Variants in SDK1 observed in about 807,000 individuals in gnomAD.
SDK1 encodes protein sidekick-1.
In SDK1, 157 loss-of-function variants were observed where a neutral mutation model predicts 245.5. The observed-to-expected ratio is 0.64, with a 90% CI of 0.56 to 0.73. SDK1 has a LOEUF of 0.73. SDK1 is among the 30% of genes least tolerant of loss of function. The pLI is 0.00. For missense variants in SDK1, 3,583 were observed against 3,002.3 expected (o/e 1.19, Z -4.52); for synonymous variants, 1,647 against 1,278.5 (o/e 1.29, Z -6.15).
rs529694333 is a variant in SDK1, at chr7:3,965,183, T to C, written c.1430-2135T>C. Among the ~76,000 whole-genome samples the C allele has an allele frequency of 1.5e-3, 229 of 152,270 alleles. 1 individual carries two copies. Among genetic ancestry groups the C allele is most frequent in the African/African-American group, 5.4e-3 (224 of 41,552 alleles). On this transcript the variant is annotated intron_variant, in intron 9 of 44. Coordinates refer to ENST00000404826, the MANE Select transcript of SDK1 (RefSeq NM_152744.4). ...GCGAGTGGCTGTGTTCCAATAAAAC[T>C]TTATTTACAAACACAGGGTGCAGGC...
intron 1 of SDK1, among the ~76,000 whole-genome samples, chr7:3,396,760 C>CGGA (rs1347195301): frequency 6.6e-6 from 1 of 151,604 alleles, no homozygotes; most frequent in African/African-American, 2.4e-5. Flanking sequence ...GAATCTCTTC[C>CGGA]AGACAGCATA....
At chr7:3,484,129 C>T (rs1219892148) in intron 1 of SDK1, among the ~76,000 whole-genome samples, 2 of 152,034 alleles carry the variant, frequency 1.3e-5, no homozygotes, top group East Asian at 1.9e-4. Flanking sequence ...GGGTTGATTC[C>T]AGGGTCCCCT....
At chr7:3,952,514 C>T (rs548699236) in intron 7 of SDK1, among the ~76,000 whole-genome samples, 2 of 152,156 alleles carry the variant, frequency 1.3e-5, no homozygotes, top group East Asian at 3.9e-4. Flanking sequence ...ACCCAGGAGG[C>T]AGAGGTTGCA....
At chr7:4,188,319 A>G (rs748698967) in intron 35 of SDK1, among the ~76,000 whole-genome samples, 6 of 152,186 alleles carry the variant, frequency 3.9e-5, no homozygotes, top group Non-Finnish European at 5.9e-5. Context: ...TAATATGGGC[A>G]TTTACAAGAA....
chr7:3,769,165 C>A (rs1780336810), intron 4 of SDK1, among the ~76,000 whole-genome samples: 1 of 152,180 alleles, frequency 6.6e-6, no homozygotes, highest in African/African-American at 2.4e-5. Flanking sequence ...TACCTAGTTT[C>A]CCACAATGGT....
Position 3,615,365 on chromosome 7 carries a change from C to G in SDK1, c.299-3715C>G, listed in dbSNP as rs139288197. On this transcript the variant is annotated intron_variant, in intron 1 of 44. Transcript: ENST00000404826. ...AGGAAAAAGGAAATTGGACACATGG[C>G]TACATTCAAATTTAAGAATGCAGTT... Among the ~76,000 whole-genome samples the G allele has an allele frequency of 2.6e-5, 4 of 151,708 alleles. 1 individual carries two copies. The highest frequency in any genetic ancestry group is 5.9e-5 in the Non-Finnish European group (4 of 67,810).
Position 3,588,505 on chromosome 7 carries a change from G to C in SDK1, c.299-30575G>C, listed in dbSNP as rs564396349. ...GTTTAGTTTTTCTTCTGTGAGGTGT[G>C]AGAGGATGTTGAATGTGCTGGACAG... On this transcript the variant is annotated intron_variant, in intron 1 of 44. Transcript: ENST00000404826. Among the ~76,000 whole-genome samples the C allele has an allele frequency of 8.5e-5, 13 of 152,282 alleles. No homozygotes were observed. The South Asian group carries it at 2.7e-3, about 32-fold the overall frequency.
intron 38 of SDK1, among the ~76,000 whole-genome samples, chr7:4,216,036 C>T (rs946980042): frequency 6.6e-6 from 1 of 152,196 alleles, no homozygotes; most frequent in Non-Finnish European, 1.5e-5. Context: ...TCTGCAGATA[C>T]CACAACCGGC....
At chr7:3,377,322 A>G (rs906014835) in intron 1 of SDK1, among the ~76,000 whole-genome samples, 2 of 152,088 alleles carry the variant, frequency 1.3e-5, no homozygotes, top group Non-Finnish European at 2.9e-5. Context: ...ACGATAAAGG[A>G]CTAGGTTAAT....
chr7:4,175,914 G>A, intron 34 of SDK1, 80 bp downstream of exon 34: 1 of 1,259,368 alleles, frequency 7.9e-7, no homozygotes, highest in Non-Finnish European at 1.2e-6. Flanking sequence ...TCAGTGCAAG[G>A]GAAAACCAGC....
chr7:4,181,323 A>G (rs1401190891), intron 35 of SDK1, among the ~76,000 whole-genome samples: 1 of 152,168 alleles, frequency 6.6e-6, no homozygotes, highest in Non-Finnish European at 1.5e-5. Flanking sequence ...CATTTACCGC[A>G]TCTGGTGTGT....
At chr7:3,380,573 C>T (rs1224591075) in intron 1 of SDK1, among the ~76,000 whole-genome samples, 2 of 152,178 alleles carry the variant, frequency 1.3e-5, no homozygotes, top group Admixed American at 1.3e-4. Context: ...CTGCAAGTAA[C>T]AAATTCAGAT....
intron 5 of SDK1, among the ~76,000 whole-genome samples, chr7:3,835,372 T>C (rs1406788240): frequency 6.6e-6 from 1 of 152,174 alleles, no homozygotes; most frequent in Non-Finnish European, 1.5e-5. Flanking sequence ...ATCAAATTAA[T>C]CATGCTGCTT....
At chr7:3,566,857 A>C (rs890782573) in intron 1 of SDK1, among the ~76,000 whole-genome samples, 2 of 152,230 alleles carry the variant, frequency 1.3e-5, no homozygotes, top group East Asian at 3.8e-4. Flanking sequence ...GAGAGAAATA[A>C]GAATCGAAGC....
chr7:3,678,963 C>G (rs181058817), intron 4 of SDK1, among the ~76,000 whole-genome samples: 1 of 151,892 alleles, frequency 6.6e-6, no homozygotes, highest in East Asian at 1.9e-4. Flanking sequence ...ACAAAACATA[C>G]GAGAGATTTA....
intron 4 of SDK1, among the ~76,000 whole-genome samples, chr7:3,792,097 C>T (rs1432033833): frequency 6.6e-6 from 1 of 152,068 alleles, no homozygotes; most frequent in African/African-American, 2.4e-5. Context: ...CACTGCACTC[C>T]CGCCTGGGCA....
At chr7:3,903,265 TCC>T (rs1781852645) in intron 5 of SDK1, among the ~76,000 whole-genome samples, 1 of 151,274 alleles carries the variant, frequency 6.6e-6, no homozygotes, top group Admixed American at 6.6e-5. Context: ...TGCCTCAGCC[TCC>T]CGAGTAGCTG....
intron 4 of SDK1, among the ~76,000 whole-genome samples, chr7:3,687,469 C>A (rs1435815031): frequency 6.6e-6 from 1 of 152,182 alleles, no homozygotes; most frequent in Admixed American, 6.5e-5. Context: ...TGAAAACATC[C>A]CAAATGTCCC....
At position 3,466,979 on chromosome 7, in the gene SDK1, TACACACACACACA is replaced by T. The variant is rs1383934858; in HGVS notation, c.299-152100_299-152088del. Among the ~76,000 whole-genome samples the T allele has an allele frequency of 1.4e-3, 173 of 127,592 alleles. 1 individual carries two copies. The highest frequency in any genetic ancestry group is 2.7e-3 in the East Asian group (12 of 4,382). The allele number at this position is 127,592 out of a possible 152,430, so 83.7% of individuals were successfully genotyped here. Reference sequence around the variant, plus strand: ...TCGAAATCTCTCTCCTCTCTCTCTCTACACACACACACACACACACACACACACACACACACAC... The same window carrying T: ...TCGAAATCTCTCTCCTCTCTCTCTCTCACACACACACACACACACACACAC... On this transcript the variant is annotated intron_variant, in intron 1 of 44. Transcript: ENST00000404826.
Sources: gnomAD v4.1 joint callset for allele counts (sites outside exome capture counted in the v4.1 genomes callset) on GRCh38, gnomAD v4.1.1 for gene constraint, MANE v1.5 for transcripts, NCBI Gene and HGNC (gene_info 2026-07-23, HGNC 2026-07-21) for gene names.